ZNF469: variants seen among roughly 807,000 people sequenced by gnomAD.
ZNF469 encodes zinc finger protein 469.
Under a neutral mutation model 1.0 loss-of-function variants are expected in ZNF469, and 1 was observed. The observed-to-expected ratio is 1.00, with a 90% CI of 0.35 to 4.73. The LOEUF (loss-of-function observed/expected upper bound fraction) is 4.73. Among genes scored for constraint, ZNF469 ranks in the 30% most tolerant of loss-of-function variants. The pLI is 0.16. For missense variants in ZNF469, 6,100 were observed against 5,356.3 expected, an observed-to-expected ratio of 1.14 and a Z score of -4.33; for synonymous variants, 2,703 against 2,363.4, an observed-to-expected ratio of 1.14 and a Z score of -4.17.
the ZNF469 span, among the ~76,000 whole-genome samples, chr16:88,119,540 G>A: frequency 2.0e-5 from 3 of 152,208 alleles, no homozygotes; most frequent in African/African-American, 4.8e-5. Flanking sequence ...AGAATGCCTC[G>A]CTCCACATGC....
the ZNF469 span, among the ~76,000 whole-genome samples, chr16:88,148,808 G>C: frequency 6.6e-6 from 1 of 152,152 alleles, no homozygotes; most frequent in African/African-American, 2.4e-5. Flanking sequence ...TCACTGGGCC[G>C]TTGGCCTGAG....
upstream of ZNF469, among the ~76,000 whole-genome samples, chr16:88,382,619 A>G (rs1008745328): frequency 1.3e-5 from 2 of 152,230 alleles, no homozygotes; most frequent in African/African-American, 4.8e-5. Flanking sequence ...ACAGAAGCAC[A>G]GGGACAAGCG....
chr16:88,196,512 G>T, the ZNF469 span, among the ~76,000 whole-genome samples: 3 of 152,284 alleles, frequency 2.0e-5, no homozygotes, highest in African/African-American at 7.2e-5. Context: ...GGCCAGGAGT[G>T]GCCGACAGCC....
At chr16:88,396,999 G>GGGAGGAGACCCTCCTGAAGGGAGGCCA (rs1904700956) in intron 1 of ZNF469, among the ~76,000 whole-genome samples, 2 of 131,460 alleles carry the variant, frequency 1.5e-5, no homozygotes, top group Admixed American at 7.4e-5. Context: ...AAGGGAGGCC[G>GGGAGGAGACCCTCCTGAAGGGAGGCCA]GGAGGAGACC....
chr16:88,223,842 A>G, the ZNF469 span, among the ~76,000 whole-genome samples: 1 of 152,234 alleles, frequency 6.6e-6, no homozygotes, highest in Admixed American at 6.5e-5. Flanking sequence ...CTTCGTTAGA[A>G]TGTAAACTGT....
chr16:88,115,049 C>T, the ZNF469 span, among the ~76,000 whole-genome samples: 1 of 152,212 alleles, frequency 6.6e-6, no homozygotes, highest in African/African-American at 2.4e-5. Flanking sequence ...GGTCGCAGGG[C>T]AGTGAACGGT....
At chr16:88,351,197 C>T in the ZNF469 span, among the ~76,000 whole-genome samples, 1 of 152,236 alleles carries the variant, frequency 6.6e-6, no homozygotes, top group Non-Finnish European at 1.5e-5. Context: ...ACCCGGCCCT[C>T]GGTGGCGTAG....
the ZNF469 span, among the ~76,000 whole-genome samples, chr16:88,121,022 G>T: frequency 3.3e-5 from 5 of 152,014 alleles, no homozygotes; most frequent in African/African-American, 1.2e-4. Context: ...CACTGGGATG[G>T]CACGAGGCAC....
the ZNF469 span, among the ~76,000 whole-genome samples, chr16:88,269,391 G>A: frequency 6.0e-3 from 917 of 152,250 alleles, 26 homozygotes; most frequent in Admixed American, 0.042. Context: ...CCTGGCGGCC[G>A]GGCCTGTGGC....
chr16:88,354,270 G>A, the ZNF469 span, among the ~76,000 whole-genome samples: 267 of 152,306 alleles, frequency 1.8e-3, 1 homozygote, highest in African/African-American at 6.3e-3. Flanking sequence ...GGAGAAGCAA[G>A]GGATGGTGCC....
chr16:88,130,802 A>G, the ZNF469 span, among the ~76,000 whole-genome samples: 1 of 151,680 alleles, frequency 6.6e-6, no homozygotes, highest in African/African-American at 2.4e-5. Context: ...AGCAATACAG[A>G]TGTTACCTCG....
the ZNF469 span, among the ~76,000 whole-genome samples, chr16:88,372,622 T>C: frequency 6.7e-6 from 1 of 149,908 alleles, no homozygotes; most frequent in African/African-American, 2.5e-5. Context: ...ATCTTTGTCA[T>C]CTTCACCATC....
In ZNF469 at chr16:88,438,580, G is replaced by A; in HGVS notation, c.11110G>A (p.Gly3704Arg). ...CCCAGTGCACCCAAGGAAGGCGGTG[G>A]GGAGCCTGGCACCCGGGGAGCTGGC... Reference protein sequence around the residue: ...KFPVHPRKAVGSLAPGELARG... With the variant: ...KFPVHPRKAVRSLAPGELARG... The change falls in exon 3 of 3, where the codon GGG (glycine) becomes AGG (arginine). Residue 3704 changes from glycine (G) to arginine (R), a missense_variant. By Grantham distance (125) the Gly-to-Arg change is moderately radical (BLOSUM62 -2). Transcript: ENST00000565624. 1 of 1,550,154 alleles carries A rather than the reference G, an allele frequency of 6.5e-7. No individual in the cohort carries two copies. Among genetic ancestry groups the A allele is most frequent in the Non-Finnish European group, 8.7e-7 (1 of 1,146,944 alleles).
chr16:88,397,900 C>T lies in ZNF469; in HGVS notation c.-192+14646C>T, dbSNP rs576499864. Among the ~76,000 whole-genome samples, 71 of 152,326 alleles carry T rather than the reference C, an allele frequency of 4.7e-4. 1 individual carries two copies. The South Asian group carries it at 0.014, about 30-fold the overall frequency. ...CAAGAGAGGAACTCAGCTTTTGCTT[C>T]ATGGCGTGTCATCAAGCCTCTGGTG... On this transcript the variant is annotated intron_variant, in intron 1 of 2. Coordinates refer to ENST00000565624, the MANE Select transcript of ZNF469 (RefSeq NM_001367624.2).
rs543846859 is a variant in ZNF469, at chr16:88,436,791, G to A, written c.9321G>A (p.Pro3107=). The change falls in exon 3 of 3, where the codon CCG becomes CCA. Residue 3107 remains proline (P), a synonymous_variant. Coordinates refer to ENST00000565624, the MANE Select transcript of ZNF469 (RefSeq NM_001367624.2). ...GGAGGGCCCAAGGCAGAGGCCGGCC[G>A]GCCAAGGGCAGGCGGGCCTCCTACA... ...GAGRAQGRGR[P]AKGRRASYKC... The A allele has an allele frequency of 1.3e-3, 2,033 of 1,544,150 alleles. 35 individuals carry two copies. The South Asian group carries it at 0.022, about 17-fold the overall frequency.
chr16:88,378,113 G>A (rs973331141), upstream of ZNF469, among the ~76,000 whole-genome samples: 2 of 152,120 alleles, frequency 1.3e-5, no homozygotes, highest in African/African-American at 4.8e-5. Context: ...GAGTGGTGAG[G>A]CCGCAGCACC....
chr16:88,388,359 A>G (rs1399178237), intron 1 of ZNF469, among the ~76,000 whole-genome samples: 1 of 152,226 alleles, frequency 6.6e-6, no homozygotes, highest in Non-Finnish European at 1.5e-5. Context: ...GCCAGCGGCC[A>G]AACAGAGTCC....
chr16:88,112,048 A>C, the ZNF469 span, among the ~76,000 whole-genome samples: 1 of 152,136 alleles, frequency 6.6e-6, no homozygotes, highest in Non-Finnish European at 1.5e-5. Flanking sequence ...GAATAGTACT[A>C]CGTTGTGTAC....
chr16:88,380,566 G>GTC (rs2092519545), upstream of ZNF469, among the ~76,000 whole-genome samples: 5 of 71,822 alleles, frequency 7.0e-5, no homozygotes, highest in African/African-American at 1.7e-4. Context: ...CTCACACACA[G>GTC]ACGCCCTCAC....
Sources: allele counts gnomAD v4.1 joint callset (sites outside exome capture counted in the v4.1 genomes callset), GRCh38; gene constraint gnomAD v4.1.1; transcripts MANE v1.5; gene names NCBI Gene and HGNC (gene_info 2026-07-23, HGNC 2026-07-21).